RPS6KA2: variants seen among roughly 807,000 people sequenced by gnomAD.
The protein encoded by RPS6KA2 is ribosomal protein S6 kinase A2.
In RPS6KA2, 42 loss-of-function variants were observed where a neutral mutation model predicts 91.8. The ratio of observed to expected loss-of-function variants is 0.46; its 90% CI spans 0.36 to 0.59. The LOEUF is 0.59. Among genes scored for constraint, RPS6KA2 ranks in the 20% least tolerant of loss-of-function variants. The pLI, the probability that RPS6KA2 is intolerant of heterozygous loss-of-function variation, is 0.00. For missense variants in RPS6KA2, 798 were observed against 978.5 expected, an observed-to-expected ratio of 0.82 and a Z score of 2.46; for synonymous variants, 414 against 393.6, an observed-to-expected ratio of 1.05 and a Z score of -0.61.
chr6:166,773,391 T>G (rs193102024), intron 2 of RPS6KA2, among the ~76,000 whole-genome samples: 13 of 152,034 alleles, frequency 8.6e-5, no homozygotes, highest in Admixed American at 3.3e-4. Context: ...TTTTCGTTTT[T>G]TTTTGTTTTG....
chr6:166,498,032 G>T (rs1200906266), intron 8 of RPS6KA2, among the ~76,000 whole-genome samples: 1 of 152,128 alleles, frequency 6.6e-6, no homozygotes, highest in Non-Finnish European at 1.5e-5. Flanking sequence ...TTCCTAGGGC[G>T]GAGAAGACCC....
intron 1 of RPS6KA2, among the ~76,000 whole-genome samples, chr6:166,601,234 C>T (rs932431394): frequency 6.6e-6 from 1 of 152,220 alleles, no homozygotes; most frequent in Non-Finnish European, 1.5e-5. Context: ...CAGATACATA[C>T]AATACACAAA....
intron 2 of RPS6KA2, among the ~76,000 whole-genome samples, chr6:166,753,951 A>G (rs1777921502): frequency 6.6e-6 from 1 of 152,178 alleles, no homozygotes; most frequent in South Asian, 2.1e-4. Flanking sequence ...CAAATTCTGG[A>G]AAGTGCCTTT....
Position 166,451,362 on chromosome 6 carries a change from C to A in RPS6KA2, c.1076-129G>T, listed in dbSNP as rs954930403. ...GTGTGTGTGTGTGTGTGTGTGTGCA[C>A]GTGGCGTATGCCTGTGGTGGAGGAA... On this transcript the variant is annotated intron_variant, in intron 12 of 20. Transcript: ENST00000265678. 16 of 835,028 alleles carry A rather than the reference C, an allele frequency of 1.9e-5. No individual in the cohort carries two copies. The African/African-American group carries it at 2.5e-4, about 13-fold the overall frequency. 51.7% of individuals were successfully genotyped at this position (835,028 alleles called of 1,614,324 possible).
intron 1 of RPS6KA2, among the ~76,000 whole-genome samples, chr6:166,539,461 T>C (rs181535438): frequency 5.5e-4 from 84 of 152,308 alleles, no homozygotes; most frequent in African/African-American, 1.9e-3. Flanking sequence ...GGTTCCTAGA[T>C]GGAGAAGTGG....
Position 166,550,549 on chromosome 6 carries a change from T to C in RPS6KA2, c.100-11765A>G, listed in dbSNP as rs186784224. 2.1e-3 allele frequency among the ~76,000 whole-genome samples: 321 copies of C among 152,322 alleles called. 2 individuals are homozygous for C. The highest frequency in any genetic ancestry group is 7.4e-3 in the African/African-American group (307 of 41,562). On this transcript the variant is annotated intron_variant, in intron 1 of 20. Transcript: ENST00000265678. ...ATGGAATGTCCAATCAGGGTACAGA[T>C]GGCGAACATGGACGCCTGCAATATG...
rs146609102 is a variant in RPS6KA2 at position 166,431,878 on chromosome 6, T to C, written c.1422+523A>G. Among the ~76,000 whole-genome samples, 17 of 152,334 alleles carry C rather than the reference T, an allele frequency of 1.1e-4. No homozygotes were observed. The East Asian group carries it at 3.1e-3, about 28-fold the overall frequency. On this transcript the variant is annotated intron_variant, in intron 15 of 20. Transcript: ENST00000265678. ...GGAGACCTCAAGTGATCTGCCTGCC[T>C]ACGCCTCCCAAAGTGCTGGGATTAC...
rs1036351312 is a variant in RPS6KA2 at position 166,702,383 on chromosome 6, A to G, written c.123+155817T>C. 20 of 1,608,540 alleles carry G rather than the reference A, an allele frequency of 1.2e-5. No homozygotes were observed. The Admixed American group carries it at 1.8e-4, about 15-fold the overall frequency. On this transcript the variant is annotated intron_variant, in intron 2 of 21. Coordinates refer to the RPS6KA2 transcript ENST00000503859. ...TTCATCAGGGATATAGGCTACTTTC[A>G]AGGTGAAATTCTCTAACTGAAATCC...
intron 12 of RPS6KA2, among the ~76,000 whole-genome samples, chr6:166,452,531 G>A (rs1470503542): frequency 6.6e-6 from 1 of 152,012 alleles, no homozygotes; most frequent in Non-Finnish European, 1.5e-5. Flanking sequence ...TTAAGCAAAA[G>A]GAACAAAGCT....
chr6:166,857,571 G>A (rs1354103009), intron 2 of RPS6KA2, among the ~76,000 whole-genome samples: 1 of 152,204 alleles, frequency 6.6e-6, no homozygotes, highest in African/African-American at 2.4e-5. Context: ...TCTGCTGCCT[G>A]GATCAGGCCC....
intron 1 of RPS6KA2, among the ~76,000 whole-genome samples, chr6:166,609,192 A>G (rs545713661): frequency 5.3e-4 from 80 of 152,332 alleles, no homozygotes; most frequent in Non-Finnish European, 7.9e-4. Context: ...GGGGTTCAAT[A>G]GGACCCTGAG....
intron 2 of RPS6KA2, among the ~76,000 whole-genome samples, chr6:166,699,101 T>C (rs1789435775): frequency 6.6e-6 from 1 of 151,636 alleles, no homozygotes; most frequent in South Asian, 2.1e-4. Flanking sequence ...ACAGGTGGAG[T>C]AGATGACAAC....
At chr6:166,614,776 G>A (rs1786341784) in intron 1 of RPS6KA2, among the ~76,000 whole-genome samples, 1 of 152,048 alleles carries the variant, frequency 6.6e-6, no homozygotes, top group Admixed American at 6.6e-5. Flanking sequence ...TGTAACCTCT[G>A]CCTCCCTGTC....
intron 2 of RPS6KA2, among the ~76,000 whole-genome samples, chr6:166,751,384 G>T (rs1405620271): frequency 6.6e-6 from 1 of 152,402 alleles, no homozygotes; most frequent in East Asian, 1.9e-4. Context: ...GGCTTCCCCT[G>T]AGTTGGCCCT....
At chr6:166,450,273 C>A (rs553183356) in intron 13 of RPS6KA2, among the ~76,000 whole-genome samples, 1 of 141,780 alleles carries the variant, frequency 7.1e-6, no homozygotes, top group East Asian at 2.2e-4. Context: ...GAGACCATCA[C>A]GGGTACCACC....
chr6:166,452,002 G>A (rs1779932019), intron 12 of RPS6KA2, among the ~76,000 whole-genome samples: 2 of 152,174 alleles, frequency 1.3e-5, no homozygotes. Context: ...TGAGAAAAGA[G>A]CAAAATACTC....
intron 3 of RPS6KA2, among the ~76,000 whole-genome samples, chr6:166,516,660 C>T (rs1583229951): frequency 1.3e-5 from 2 of 152,364 alleles, no homozygotes; most frequent in East Asian, 3.9e-4. Flanking sequence ...GAGAAATCCT[C>T]ATGAGATGCA....
intron 2 of RPS6KA2, among the ~76,000 whole-genome samples, chr6:166,638,434 T>TA (rs1339877386): frequency 2.6e-5 from 4 of 152,070 alleles, no homozygotes; most frequent in Admixed American, 6.5e-5. Context: ...ACCAAGCAGA[T>TA]AAAAAAATGA....
chr6:166,805,253 C>T (rs1472881059), intron 2 of RPS6KA2, among the ~76,000 whole-genome samples: 2 of 152,196 alleles, frequency 1.3e-5, no homozygotes, highest in African/African-American at 4.8e-5. Context: ...CTGCAGGTAG[C>T]TTAATGGGCA....
Sources: allele counts gnomAD v4.1 joint callset (sites outside exome capture counted in the v4.1 genomes callset), GRCh38; gene constraint gnomAD v4.1.1; transcripts MANE v1.5; gene names NCBI Gene and HGNC (gene_info 2026-07-23, HGNC 2026-07-21).